Variants in RBFOX2 observed in about 807,000 individuals in gnomAD.
RBFOX2 encodes the protein RNA binding protein fox-1 homolog 2.
Under a neutral mutation model 49.1 loss-of-function variants are expected in RBFOX2, and 10 were observed. The ratio of observed to expected loss-of-function variants is 0.20; its 90% CI spans 0.13 to 0.35. RBFOX2 has a LOEUF of 0.35. Ranked by LOEUF, RBFOX2 falls within the 10% of genes least tolerant of loss-of-function variation. The pLI is 1.00. For missense variants in RBFOX2, 323 were observed against 486.9 expected, an observed-to-expected ratio of 0.66 and a Z score of 3.17; for synonymous variants, 183 against 187.4, an observed-to-expected ratio of 0.98 and a Z score of 0.19.
intron 2 of RBFOX2, among the ~76,000 whole-genome samples, chr22:35,797,541 C>T (rs979255781): frequency 6.6e-6 from 1 of 152,054 alleles, no homozygotes; most frequent in African/African-American, 2.4e-5. Context: ...CTTAAGTGAA[C>T]GTGATTTTTT....
At chr22:35,828,230 T>A (rs1956152475) in intron 1 of RBFOX2, among the ~76,000 whole-genome samples, 1 of 149,616 alleles carries the variant, frequency 6.7e-6, no homozygotes, top group African/African-American at 2.5e-5. Flanking sequence ...ACAAAATACA[T>A]GAAACAACAG....
intron 1 of RBFOX2, among the ~76,000 whole-genome samples, chr22:35,883,917 C>A (rs771174828): frequency 6.6e-6 from 1 of 151,836 alleles, no homozygotes; most frequent in Admixed American, 6.6e-5. Context: ...CTTAAAAGTC[C>A]ACTGCCCAGT....
intron 1 of RBFOX2, among the ~76,000 whole-genome samples, chr22:35,929,277 T>C (rs1192684706): frequency 6.6e-6 from 1 of 151,824 alleles, no homozygotes; most frequent in Admixed American, 6.6e-5. Context: ...GCCACCACAC[T>C]GGCTTATTTC....
chr22:35,738,744 C>G (rs1242603789), exon 12 of RBFOX2: 1 of 149,810 alleles, frequency 6.7e-6, no homozygotes, highest in Non-Finnish European at 1.5e-5. Context: ...AATGGTGTTT[C>G]TCTCTTTTAT....
chr22:35,948,100 A>C (rs1274746235), intron 1 of RBFOX2, among the ~76,000 whole-genome samples: 1 of 152,196 alleles, frequency 6.6e-6, no homozygotes, highest in Non-Finnish European at 1.5e-5. Flanking sequence ...GTTTAGATAA[A>C]TTAGATACAT....
At chr22:35,816,354 G>A (rs557665359) in intron 1 of RBFOX2, among the ~76,000 whole-genome samples, 3 of 152,224 alleles carry the variant, frequency 2.0e-5, no homozygotes, top group African/African-American at 7.2e-5. Context: ...GAGGAGAGCT[G>A]TAGGGTAGAA....
Position 35,862,524 on chromosome 22 carries a change from C to T in RBFOX2, c.-33-52520G>A, listed in dbSNP as rs147749134. Among the ~76,000 whole-genome samples the T allele has an allele frequency of 3.5e-3, 535 of 152,244 alleles. 1 individual carries two copies. Among genetic ancestry groups the T allele is most frequent in the African/African-American group, 0.011 (473 of 41,556 alleles). ...CCCCTGCTAGAGAACCCCTTTAGCA[C>T]GTGCATACATCCTCCTCACTTTGCC... On this transcript the variant is annotated intron_variant, in intron 1 of 13. Coordinates refer to the RBFOX2 transcript ENST00000359369.
chr22:35,928,566 A>G (rs2051960569), intron 1 of RBFOX2, among the ~76,000 whole-genome samples: 1 of 152,258 alleles, frequency 6.6e-6, no homozygotes, highest in Non-Finnish European at 1.5e-5. Flanking sequence ...AGTTGCTTTC[A>G]TAAAATAGTT....
At chr22:35,913,477 T>G (rs915107908) in intron 1 of RBFOX2, among the ~76,000 whole-genome samples, 10 of 143,422 alleles carry the variant, frequency 7.0e-5, no homozygotes, top group Admixed American at 6.3e-4. Context: ...GTTATTTCTA[T>G]TGTGTGTGTG....
chr22:35,927,389 G>A (rs2051773562), intron 1 of RBFOX2, among the ~76,000 whole-genome samples: 1 of 152,152 alleles, frequency 6.6e-6, no homozygotes, highest in Non-Finnish European at 1.5e-5. Flanking sequence ...TGGATCACCT[G>A]AGGTTGGGAG....
chr22:35,928,648 A>G (rs28446430), intron 1 of RBFOX2, among the ~76,000 whole-genome samples: 3,697 of 152,338 alleles, frequency 0.024, 162 homozygotes, highest in African/African-American at 0.084. Flanking sequence ...AGAAGGACGA[A>G]GATACATATT....
chr22:36,011,845 A>G (rs1416386633), intron 1 of RBFOX2, among the ~76,000 whole-genome samples: 1 of 152,234 alleles, frequency 6.6e-6, no homozygotes, highest in African/African-American at 2.4e-5. Flanking sequence ...GAAAGATTCT[A>G]CTGAGCCTTA....
chr22:35,746,583 A>C, intron 9 of RBFOX2, 22 bp from the exon 12 acceptor site: 4 of 1,470,988 alleles, frequency 2.7e-6, no homozygotes, highest in South Asian at 1.3e-5. Context: ...AAGAGAACTG[A>C]CTTTACAGAT....
At chr22:35,825,965 C>CAAG (rs1955596810) in intron 1 of RBFOX2, among the ~76,000 whole-genome samples, 1 of 104,330 alleles carries the variant, frequency 9.6e-6, no homozygotes. Flanking sequence ...CTGGGCAAGA[C>CAAG]AGTGAGACTC....
chr22:35,797,356 C>A (rs1463424665), intron 2 of RBFOX2, among the ~76,000 whole-genome samples: 1 of 152,108 alleles, frequency 6.6e-6, no homozygotes, highest in Non-Finnish European at 1.5e-5. Flanking sequence ...GCAGCTAGTT[C>A]AGCTTGCAAC....
At chr22:35,953,695 C>T (rs143047547) in intron 1 of RBFOX2, among the ~76,000 whole-genome samples, 25 of 152,116 alleles carry the variant, frequency 1.6e-4, no homozygotes, top group African/African-American at 6.0e-4. Context: ...TTTTTAAAAG[C>T]AATGCAGTAT....
intron 1 of RBFOX2, among the ~76,000 whole-genome samples, chr22:35,984,330 C>T (rs1375136680): frequency 1.3e-5 from 2 of 152,200 alleles, no homozygotes; most frequent in Admixed American, 6.6e-5. Context: ...ATATTGAGAA[C>T]CTCTGCCCTA....
At chr22:36,025,475 A>G (rs2059396874) in intron 1 of RBFOX2, among the ~76,000 whole-genome samples, 1 of 152,124 alleles carries the variant, frequency 6.6e-6, no homozygotes, top group South Asian at 2.1e-4. Context: ...TTTCCATTCA[A>G]TATTAGTTCC....
chr22:35,861,948 T>C (rs1030628234), intron 1 of RBFOX2, among the ~76,000 whole-genome samples: 1 of 152,130 alleles, frequency 6.6e-6, no homozygotes, highest in African/African-American at 2.4e-5. Context: ...GAAATAAAAA[T>C]TAATGAACCA....
Sources: gnomAD v4.1 joint callset for allele counts (sites outside exome capture counted in the v4.1 genomes callset) on GRCh38, gnomAD v4.1.1 for gene constraint, MANE v1.5 for transcripts, NCBI Gene and HGNC (gene_info 2026-07-23, HGNC 2026-07-21) for gene names.